ERGIC1: variants seen among roughly 807,000 people sequenced by gnomAD.
ERGIC1 encodes the protein endoplasmic reticulum-golgi intermediate compartment 1, also known as endoplasmic reticulum-Golgi intermediate compartment protein 1.
ERGIC1 carries 19 observed loss-of-function variants against 38.3 expected under a neutral mutation model. The ratio of observed to expected loss-of-function variants is 0.50; its 90% CI spans 0.35 to 0.73. The LOEUF is 0.73. Among genes scored for constraint, ERGIC1 ranks in the 30% least tolerant of loss-of-function variants. ERGIC1 has a pLI of 0.01. For synonymous variants in ERGIC1, 124 were observed against 157.6 expected, an observed-to-expected ratio of 0.79 and a Z score of 1.60; for missense variants, 294 against 389.2, an observed-to-expected ratio of 0.76 and a Z score of 2.06.
At chr5:172,854,550 C>T (rs1761495394) in intron 1 of ERGIC1, among the ~76,000 whole-genome samples, 1 of 152,276 alleles carries the variant, frequency 6.6e-6, no homozygotes, top group African/African-American at 2.4e-5. Flanking sequence ...ACCCACATCC[C>T]AAACCTGTGC....
chr5:172,841,975 C>T (rs758536439), intron 1 of ERGIC1, among the ~76,000 whole-genome samples: 5 of 152,244 alleles, frequency 3.3e-5, no homozygotes, highest in Non-Finnish European at 5.9e-5. Flanking sequence ...TCACCCCTCA[C>T]ATCTCATGCT....
intron 1 of ERGIC1, among the ~76,000 whole-genome samples, chr5:172,855,554 G>C (rs1418145543): frequency 6.6e-6 from 1 of 152,224 alleles, no homozygotes; most frequent in African/African-American, 2.4e-5. Flanking sequence ...AGGATCAAGA[G>C]TTTTCCCAGC....
chr5:172,850,315 C>G (rs1450000384), intron 1 of ERGIC1, among the ~76,000 whole-genome samples: 2 of 151,672 alleles, frequency 1.3e-5, no homozygotes, highest in Non-Finnish European at 2.9e-5. Flanking sequence ...CACCCCACCC[C>G]ACCCTGGGCC....
chr5:172,896,581 T>G (rs1762728128), intron 2 of ERGIC1, among the ~76,000 whole-genome samples: 1 of 152,140 alleles, frequency 6.6e-6, no homozygotes, highest in East Asian at 1.9e-4. Context: ...GGTGAGATGT[T>G]CTGGAGAAGC....
chr5:172,857,769 C>T (rs956737691), intron 1 of ERGIC1, among the ~76,000 whole-genome samples: 21 of 152,240 alleles, frequency 1.4e-4, no homozygotes, highest in Non-Finnish European at 2.6e-4. Flanking sequence ...TCTTGTCTTA[C>T]AGCTTACGTT....
intron 9 of ERGIC1, among the ~76,000 whole-genome samples, chr5:172,945,351 C>T (rs1764098335): frequency 6.6e-6 from 1 of 152,168 alleles, no homozygotes; most frequent in Non-Finnish European, 1.5e-5. Context: ...AGTGCGTGGG[C>T]CCCCAGCGGC....
intron 3 of ERGIC1, among the ~76,000 whole-genome samples, chr5:172,901,373 C>G (rs1488633279): frequency 6.6e-6 from 1 of 152,166 alleles, no homozygotes; most frequent in East Asian, 1.9e-4. Flanking sequence ...GAGCAGGCCC[C>G]TCCTCAGGCA....
chr5:172,938,774 A>T (rs1278995494), intron 9 of ERGIC1, among the ~76,000 whole-genome samples: 1 of 139,394 alleles, frequency 7.2e-6, no homozygotes, highest in African/African-American at 2.7e-5. Flanking sequence ...GAAAAAAAAA[A>T]AGAAATCGGC....
intron 1 of ERGIC1, among the ~76,000 whole-genome samples, chr5:172,886,620 C>T (rs1762426239): frequency 6.6e-6 from 1 of 152,178 alleles, no homozygotes; most frequent in Non-Finnish European, 1.5e-5. Context: ...ATAATAGTAA[C>T]CACAAATATC....
chr5:172,899,019 C>A (rs1173739096), intron 3 of ERGIC1, among the ~76,000 whole-genome samples: 1 of 152,106 alleles, frequency 6.6e-6, no homozygotes, highest in Non-Finnish European at 1.5e-5. Context: ...ACCCCACCCT[C>A]TAGGAGGGGA....
intron 1 of ERGIC1, among the ~76,000 whole-genome samples, chr5:172,838,759 G>T (rs1363192959): frequency 1.3e-5 from 2 of 152,014 alleles, no homozygotes; most frequent in Admixed American, 1.3e-4. Flanking sequence ...GCCCCAATAG[G>T]GAATGGGACC....
chr5:172,924,929 G>A (rs764938212), intron 6 of ERGIC1, among the ~76,000 whole-genome samples: 4 of 152,136 alleles, frequency 2.6e-5, no homozygotes, highest in African/African-American at 4.8e-5. Flanking sequence ...TAGGGGGGAA[G>A]ACAGATGTTG....
intron 1 of ERGIC1, among the ~76,000 whole-genome samples, chr5:172,844,523 C>A (rs1461237951): frequency 2.0e-5 from 3 of 152,334 alleles, no homozygotes; most frequent in South Asian, 4.1e-4. Context: ...GTGACCAGGA[C>A]AAGCTCGGGG....
At chr5:172,927,365 T>A (rs933473393) in intron 7 of ERGIC1, among the ~76,000 whole-genome samples, 1 of 152,154 alleles carries the variant, frequency 6.6e-6, no homozygotes, top group Admixed American at 6.5e-5. Context: ...AAAGAAAACA[T>A]CCCTCTGTGA....
chr5:172,876,898 C>T (rs576844367), intron 1 of ERGIC1, among the ~76,000 whole-genome samples: 11 of 152,164 alleles, frequency 7.2e-5, no homozygotes, highest in Admixed American at 3.3e-4. Context: ...GCCGAAATCG[C>T]GCCATTGCAC....
At chr5:172,850,212 TCA>T (rs1761368935) in intron 1 of ERGIC1, among the ~76,000 whole-genome samples, 2 of 152,154 alleles carry the variant, frequency 1.3e-5, no homozygotes, top group South Asian at 4.1e-4. Context: ...CAAAACTGGG[TCA>T]CACTTGAAGC....
rs527688630 is a variant in ERGIC1, at chr5:172,925,372, C to T, written c.481-1137C>T. ...CGTTCTCATGGGTTAGAAATGAAGC[C>T]TTCACACGGTCAGTCTCAAGACAGC... On this transcript the variant is annotated intron_variant, in intron 6 of 9. Transcript: ENST00000393784. Among the ~76,000 whole-genome samples, 260 of 152,310 alleles carry T rather than the reference C, an allele frequency of 1.7e-3. 4 individuals carry two copies. The highest frequency in any genetic ancestry group is 5.8e-3 in the African/African-American group (242 of 41,560).
At position 172,926,401 on chromosome 5, in the gene ERGIC1, T is replaced by C; in HGVS notation, c.481-108T>C. 8.2e-7 allele frequency: 1 copy of C among 1,221,024 alleles called. No individual in the cohort carries two copies. Among genetic ancestry groups the C allele is most frequent in the Non-Finnish European group, 1.2e-6 (1 of 834,600 alleles). The allele number at this position is 1,221,024 out of a possible 1,614,324, so 75.6% of individuals were successfully genotyped here. A position where few individuals can be genotyped will look rare whatever the true frequency, so the allele number is the denominator to read the frequency against. ...ATCCGCTGGAGCCCCCTTTTACACA[T>C]TGGTAGGGTTCCTAGACCAGGTGGT... On this transcript the variant is annotated intron_variant, in intron 6 of 9. Coordinates refer to ENST00000393784, the MANE Select transcript of ERGIC1 (RefSeq NM_001031711.3). This position sits in a 1 kb window ranked among gnomAD's most constrained non-coding sequence, Gnocchi z 5.2.
chr5:172,862,496 C>T (rs1461812249), intron 1 of ERGIC1, among the ~76,000 whole-genome samples: 1 of 151,966 alleles, frequency 6.6e-6, no homozygotes, highest in Non-Finnish European at 1.5e-5. Context: ...AAGGTGGATG[C>T]CCTTCAGCTG....
Sources: gnomAD v4.1 joint callset for allele counts (sites outside exome capture counted in the v4.1 genomes callset) on GRCh38, gnomAD v4.1.1 for gene constraint, Gnocchi (gnomAD v3.1) non-coding constraint, MANE v1.5 for transcripts, NCBI Gene and HGNC (gene_info 2026-07-23, HGNC 2026-07-21) for gene names.